Variants in DIAPH3 observed in about 807,000 individuals in gnomAD.
DIAPH3 encodes protein diaphanous homolog 3.
In DIAPH3, 117 loss-of-function variants were observed where a neutral mutation model predicts 144.3. The observed-to-expected ratio is 0.81, with a 90% CI of 0.70 to 0.95. The LOEUF (loss-of-function observed/expected upper bound fraction) is 0.95, where lower values mean the gene tolerates loss of function less well. Ranked by LOEUF, DIAPH3 falls within the 40% of genes least tolerant of loss-of-function variation. The pLI, the probability that DIAPH3 is intolerant of heterozygous loss-of-function variation, is 0.00. For missense variants in DIAPH3, 1,421 were observed against 1,412.7 expected, an observed-to-expected ratio of 1.01 and a Z score of -0.09; for synonymous variants, 519 against 488.9, an observed-to-expected ratio of 1.06 and a Z score of -0.81.
At chr13:60,046,395 G>A (rs1021020168) in intron 4 of DIAPH3, among the ~76,000 whole-genome samples, 3 of 152,160 alleles carry the variant, frequency 2.0e-5, no homozygotes, top group Admixed American at 6.5e-5. Context: ...CTGGTCATTA[G>A]AGAAATGCAA....
chr13:59,821,842 C>T (rs565585202), intron 24 of DIAPH3, among the ~76,000 whole-genome samples: 2 of 152,234 alleles, frequency 1.3e-5, no homozygotes, highest in East Asian at 3.9e-4. Flanking sequence ...ATTCAATATG[C>T]GTTGCTATTA....
intron 1 of DIAPH3, 75 bp downstream of exon 1, chr13:60,163,512 T>C: frequency 3.2e-6 from 5 of 1,572,774 alleles, no homozygotes; most frequent in Non-Finnish European, 4.3e-6. Context: ...CCCCAAGTTC[T>C]TGTGGGCCCA....
chr13:60,111,870 T>C (rs1376454315), intron 3 of DIAPH3, 140 bp downstream of exon 3: 1 of 806,216 alleles, frequency 1.2e-6, no homozygotes. Context: ...CAAAAACTCT[T>C]TGTGGCTGAA....
chr13:59,993,241 A>G (rs1375273806), intron 9 of DIAPH3, among the ~76,000 whole-genome samples: 1 of 151,922 alleles, frequency 6.6e-6, no homozygotes. Flanking sequence ...CAAAATTTTC[A>G]GCTCATGTTT....
intron 17 of DIAPH3, 138 bp from the exon 18 acceptor site, chr13:59,925,008 G>A (rs1476506947): frequency 3.3e-5 from 46 of 1,405,646 alleles, no homozygotes; most frequent in African/African-American, 7.3e-5. Context: ...CAAATAAAAC[G>A]ATAGATATCC....
chr13:59,690,087 C>T (rs1166693049), intron 27 of DIAPH3, among the ~76,000 whole-genome samples: 1 of 151,990 alleles, frequency 6.6e-6, no homozygotes, highest in Non-Finnish European at 1.5e-5. Context: ...TGATGGTTAC[C>T]TAGCTTCCAG....
intron 27 of DIAPH3, among the ~76,000 whole-genome samples, chr13:59,686,459 G>A (rs2033217842): frequency 6.6e-6 from 1 of 151,316 alleles, no homozygotes. Context: ...TGTCATGCAA[G>A]AGTACTCAGA....
chr13:59,865,968 A>T (rs562140450), intron 21 of DIAPH3, among the ~76,000 whole-genome samples: 1 of 152,112 alleles, frequency 6.6e-6, no homozygotes, highest in South Asian at 2.1e-4. Flanking sequence ...TCTACTCCGC[A>T]TCATTATGTT....
chr13:60,024,522 A>G (rs1444374863), intron 5 of DIAPH3, among the ~76,000 whole-genome samples: 1 of 151,704 alleles, frequency 6.6e-6, no homozygotes, highest in Non-Finnish European at 1.5e-5. Flanking sequence ...GCACATTCCT[A>G]TTTGCCTATT....
chr13:59,876,099 G>A (rs972043692), intron 21 of DIAPH3, among the ~76,000 whole-genome samples: 8 of 152,252 alleles, frequency 5.3e-5, no homozygotes, highest in African/African-American at 9.6e-5. Flanking sequence ...TGTTTTAACA[G>A]ATTAAAATAC....
chr13:60,158,815 G>A (rs1365796216), intron 1 of DIAPH3, among the ~76,000 whole-genome samples: 1 of 147,320 alleles, frequency 6.8e-6, no homozygotes, highest in African/African-American at 2.5e-5. Context: ...AGAGCAAAGA[G>A]CAGTATCTCT....
intron 9 of DIAPH3, among the ~76,000 whole-genome samples, chr13:59,996,651 C>T (rs1027235654): frequency 4.6e-5 from 7 of 151,818 alleles, no homozygotes; most frequent in Non-Finnish European, 7.4e-5. Context: ...GTCAGCAATA[C>T]CATAAAGTAG....
intron 4 of DIAPH3, among the ~76,000 whole-genome samples, chr13:60,054,626 GAA>G (rs2056487790): frequency 6.6e-6 from 1 of 152,004 alleles, no homozygotes; most frequent in African/African-American, 2.4e-5. Flanking sequence ...ACTATTTAAA[GAA>G]ATAGTTTGCA....
chr13:59,946,684 T>C (rs906265787), intron 17 of DIAPH3, among the ~76,000 whole-genome samples: 1 of 152,326 alleles, frequency 6.6e-6, no homozygotes, highest in African/African-American at 2.4e-5. Flanking sequence ...TAGACAGCTA[T>C]TGTGTACAAT....
intron 17 of DIAPH3, among the ~76,000 whole-genome samples, chr13:59,932,184 T>A (rs553433575): frequency 6.6e-6 from 1 of 152,298 alleles, no homozygotes; most frequent in South Asian, 2.1e-4. Context: ...GACTGTAACT[T>A]TTTAAAATGT....
At chr13:59,764,937 G>T (rs145472004) in intron 27 of DIAPH3, among the ~76,000 whole-genome samples, 25 of 152,156 alleles carry the variant, frequency 1.6e-4, no homozygotes, top group Admixed American at 1.5e-3. Context: ...CTGGATTCCA[G>T]CTTTCCACTC....
chr13:60,106,809 C>T (rs1242173315), intron 3 of DIAPH3, among the ~76,000 whole-genome samples: 1 of 151,992 alleles, frequency 6.6e-6, no homozygotes, highest in African/African-American at 2.4e-5. Flanking sequence ...AATATAAATC[C>T]TTTAGTATGA....
At chr13:59,922,054 A>G (rs977762749) in intron 18 of DIAPH3, among the ~76,000 whole-genome samples, 3 of 152,108 alleles carry the variant, frequency 2.0e-5, no homozygotes, top group Non-Finnish European at 4.4e-5. Context: ...AATGTGTCAC[A>G]ACACAATAAA....
intron 1 of DIAPH3, among the ~76,000 whole-genome samples, chr13:60,138,077 T>C (rs1005030784): frequency 6.6e-6 from 1 of 152,168 alleles, no homozygotes; most frequent in Non-Finnish European, 1.5e-5. Flanking sequence ...TGAGGAAAAC[T>C]TGTAAGATTA....
Sources: allele counts gnomAD v4.1 joint callset (sites outside exome capture counted in the v4.1 genomes callset), GRCh38; gene constraint gnomAD v4.1.1; transcripts MANE v1.5; gene names NCBI Gene and HGNC (gene_info 2026-07-23, HGNC 2026-07-21).